The following SPOCK3 variants were observed in gnomAD, a reference collection of about 807,000 sequenced individuals.
SPOCK3 encodes testican-3.
A neutral mutation model predicts 56.6 loss-of-function variants in SPOCK3; 30 were observed. The ratio of observed to expected loss-of-function variants is 0.53; its 90% CI spans 0.40 to 0.72. The LOEUF (loss-of-function observed/expected upper bound fraction) is 0.72, where lower values mean the gene tolerates loss of function less well. SPOCK3 is among the 30% of genes least tolerant of loss of function. The pLI is 0.00. For synonymous variants in SPOCK3, 196 were observed against 183.3 expected, an observed-to-expected ratio of 1.07 and a Z score of -0.56; for missense variants, 527 against 530.0, an observed-to-expected ratio of 0.99 and a Z score of 0.06.
intron 6 of SPOCK3, among the ~76,000 whole-genome samples, chr4:166,849,028 CTTG>C (rs143664059): frequency 0.045 from 6,832 of 152,214 alleles, 486 homozygotes; most frequent in African/African-American, 0.15. Flanking sequence ...ATTTTACCAA[CTTG>C]TTGTTTTTTA....
chr4:167,009,567 A>G (rs548055811), intron 3 of SPOCK3, among the ~76,000 whole-genome samples: 69 of 152,152 alleles, frequency 4.5e-4, no homozygotes, highest in Non-Finnish European at 8.1e-4. Flanking sequence ...AGAGAAACAA[A>G]TGCAATTTCT....
intron 6 of SPOCK3, among the ~76,000 whole-genome samples, chr4:166,807,103 T>C (rs2126710478): frequency 6.6e-6 from 1 of 152,204 alleles, no homozygotes; most frequent in Non-Finnish European, 1.5e-5. Flanking sequence ...GGGAATACTT[T>C]ATAGTTATAT....
rs868049721 is a variant in SPOCK3 at position 167,186,653 on chromosome 4, C to A, written c.189+47332G>T. On this transcript the variant is annotated intron_variant, in intron 2 of 10. Transcript: ENST00000357545. ...AAAAACAAAAAACAAACAACAACAA[C>A]AAAAAAAACAGAAAACAAATCTCTA... 2.8e-4 allele frequency among the ~76,000 whole-genome samples: 43 copies of A among 151,104 alleles called. 1 individual carries two copies. Among genetic ancestry groups the A allele is most frequent in the African/African-American group, 9.2e-4 (38 of 41,178 alleles).
intron 4 of SPOCK3, among the ~76,000 whole-genome samples, chr4:166,984,316 T>A (rs1746903955): frequency 6.6e-6 from 1 of 152,028 alleles, no homozygotes; most frequent in Admixed American, 6.5e-5. Flanking sequence ...GAATTAGGAA[T>A]TAGGATATAA....
intron 2 of SPOCK3, among the ~76,000 whole-genome samples, chr4:167,113,440 TA>T (rs1229727147): frequency 6.6e-6 from 1 of 151,796 alleles, no homozygotes; most frequent in Non-Finnish European, 1.5e-5. Context: ...TTTGCATAAG[TA>T]AAAAGGCCAC....
At chr4:167,047,214 T>C (rs1753816881) in intron 3 of SPOCK3, among the ~76,000 whole-genome samples, 1 of 152,184 alleles carries the variant, frequency 6.6e-6, no homozygotes, top group Non-Finnish European at 1.5e-5. Flanking sequence ...ATAGATGACA[T>C]CTTGTCATAA....
At chr4:166,945,621 T>C (rs1741630574) in intron 4 of SPOCK3, among the ~76,000 whole-genome samples, 1 of 152,192 alleles carries the variant, frequency 6.6e-6, no homozygotes, top group Admixed American at 6.5e-5. Context: ...ATCTGTGTCC[T>C]GTGCAGGTAC....
At chr4:167,102,195 G>A (rs552181484) in intron 2 of SPOCK3, among the ~76,000 whole-genome samples, 137 of 152,126 alleles carry the variant, frequency 9.0e-4, no homozygotes, top group African/African-American at 3.1e-3. Context: ...TAGATTACAG[G>A]TGACATCTCT....
chr4:167,096,999 T>C (rs926216907), intron 2 of SPOCK3, among the ~76,000 whole-genome samples: 2 of 151,850 alleles, frequency 1.3e-5, no homozygotes, highest in African/African-American at 2.4e-5. Context: ...CTCTTTATCA[T>C]TGTGTAATGC....
intron 4 of SPOCK3, among the ~76,000 whole-genome samples, chr4:166,956,946 A>G (rs935424287): frequency 4.6e-5 from 7 of 152,164 alleles, no homozygotes; most frequent in African/African-American, 1.7e-4. Flanking sequence ...GCACTCTTGC[A>G]GTTGTACATG....
At chr4:166,839,339 G>T (rs1746982770) in intron 6 of SPOCK3, among the ~76,000 whole-genome samples, 1 of 152,040 alleles carries the variant, frequency 6.6e-6, no homozygotes. Context: ...ATGTCTCATT[G>T]TTGTTGCTAA....
chr4:167,115,067 G>A (rs904502677), intron 2 of SPOCK3, among the ~76,000 whole-genome samples: 12 of 152,162 alleles, frequency 7.9e-5, no homozygotes, highest in East Asian at 1.9e-4. Flanking sequence ...ATATAGCTAC[G>A]GGAAACATAA....
intron 3 of SPOCK3, among the ~76,000 whole-genome samples, chr4:167,037,519 C>T (rs1752869501): frequency 6.6e-6 from 1 of 150,470 alleles, no homozygotes; most frequent in Non-Finnish European, 1.5e-5. Flanking sequence ...AACTATTTTA[C>T]AGGAACACTG....
intron 3 of SPOCK3, among the ~76,000 whole-genome samples, chr4:167,055,618 C>A (rs10022032): frequency 1.3e-5 from 2 of 152,152 alleles, no homozygotes; most frequent in Admixed American, 1.3e-4. Flanking sequence ...GCTTTTCCAA[C>A]GGGCTTAAAA....
At chr4:167,169,486 T>C (rs552011113) in intron 2 of SPOCK3, among the ~76,000 whole-genome samples, 1 of 152,268 alleles carries the variant, frequency 6.6e-6, no homozygotes, top group South Asian at 2.1e-4. Context: ...ATGGGGCCTG[T>C]AGCTAATTCT....
chr4:167,073,447 C>T (rs761361412), intron 2 of SPOCK3, among the ~76,000 whole-genome samples: 1 of 151,616 alleles, frequency 6.6e-6, no homozygotes, highest in Non-Finnish European at 1.5e-5. Context: ...AAAAATGGTG[C>T]ATTCATTGTT....
At chr4:166,967,815 A>G (rs576015832) in intron 4 of SPOCK3, among the ~76,000 whole-genome samples, 1 of 152,306 alleles carries the variant, frequency 6.6e-6, no homozygotes, top group Admixed American at 6.5e-5. Flanking sequence ...GGTTGGCACA[A>G]TCTGAGGGGC....
Position 166,837,559 on chromosome 4 carries a change from A to ACTAT in SPOCK3, c.590-45271_590-45270insATAG, listed in dbSNP as rs1192142646. On this transcript the variant is annotated intron_variant, in intron 6 of 10. Transcript: ENST00000357545. ...TGATATTATCATTTCACTAGTTGTA[A>ACTAT]AGAACTATAGAAATTGTACTTCCCA... Among the ~76,000 whole-genome samples, 212 of 152,302 alleles carry ACTAT rather than the reference A, an allele frequency of 1.4e-3. 1 individual carries two copies. The highest frequency in any genetic ancestry group is 4.9e-3 in the African/African-American group (205 of 41,584).
At chr4:166,796,691 T>A (rs1000503098) in intron 6 of SPOCK3, among the ~76,000 whole-genome samples, 6 of 152,184 alleles carry the variant, frequency 3.9e-5, no homozygotes, top group African/African-American at 1.2e-4. Flanking sequence ...AAAGAGATTT[T>A]TCTAAGTCTG....
Sources: gnomAD v4.1 joint callset for allele counts (sites outside exome capture counted in the v4.1 genomes callset) on GRCh38, gnomAD v4.1.1 for gene constraint, MANE v1.5 for transcripts, NCBI Gene and HGNC (gene_info 2026-07-23, HGNC 2026-07-21) for gene names.